PTBP3: variants seen among roughly 807,000 people sequenced by gnomAD.
PTBP3 encodes polypyrimidine tract binding protein 3.
In PTBP3, 20 loss-of-function variants were observed where a neutral mutation model predicts 58.7. That is an observed-to-expected ratio of 0.34 (90% CI 0.24 to 0.50). PTBP3 has a LOEUF of 0.50. Among genes scored for constraint, PTBP3 ranks in the 20% least tolerant of loss-of-function variants. The pLI is 0.98. For missense variants in PTBP3, 509 were observed against 637.2 expected, an observed-to-expected ratio of 0.80 and a Z score of 2.17; for synonymous variants, 185 against 219.8, an observed-to-expected ratio of 0.84 and a Z score of 1.40.
At chr9:112,241,486 G>A (rs1180170082) in intron 7 of PTBP3, among the ~76,000 whole-genome samples, 1 of 152,074 alleles carries the variant, frequency 6.6e-6, no homozygotes, top group African/African-American at 2.4e-5. Context: ...GCCCTATACA[G>A]GTGTACCATT....
chr9:112,336,398 C>A (rs924180327), upstream of PTBP3, among the ~76,000 whole-genome samples: 10 of 151,832 alleles, frequency 6.6e-5, no homozygotes, highest in African/African-American at 1.9e-4. Flanking sequence ...TTATATAAAG[C>A]CTTTATAGCC....
the PTBP3 span, among the ~76,000 whole-genome samples, chr9:112,361,648 A>C: frequency 6.6e-6 from 1 of 152,222 alleles, no homozygotes; most frequent in Non-Finnish European, 1.5e-5. Context: ...TAATAAATTA[A>C]CATTTTGTGG....
intron 3 of PTBP3, among the ~76,000 whole-genome samples, chr9:112,271,217 C>T (rs1186909844): frequency 6.6e-6 from 1 of 152,014 alleles, no homozygotes; most frequent in Admixed American, 6.6e-5. Context: ...TCTGAGTATC[C>T]CTTATCCAAA....
At position 112,262,322 on chromosome 9, in the gene PTBP3, T is replaced by C. The variant is rs1037359162; in HGVS notation, c.516+113A>G. The C allele has an allele frequency of 6.6e-6, 6 of 914,366 alleles. No individual in the cohort carries two copies. In the African/African-American group the frequency reaches 1.1e-4, roughly 16 times the overall value. 56.6% of individuals were successfully genotyped at this position (914,366 alleles called of 1,614,324 possible). ...AATTAGATGAAGTTTTTTTCATTATTTAAACAAATATATCAACAAAACCAA... is the reference window on the plus strand; with the variant it reads ...AATTAGATGAAGTTTTTTTCATTATCTAAACAAATATATCAACAAAACCAA... On this transcript the variant is annotated intron_variant, in intron 5 of 13. Coordinates refer to ENST00000374257, the MANE Select transcript of PTBP3 (RefSeq NM_001163788.4).
At chr9:112,287,943 T>G (rs1828216834) in intron 2 of PTBP3, among the ~76,000 whole-genome samples, 1 of 152,184 alleles carries the variant, frequency 6.6e-6, no homozygotes, top group Admixed American at 6.5e-5. Context: ...TCACATTTTT[T>G]TGGTTCTTAA....
chr9:112,339,150 G>A, the PTBP3 span, among the ~76,000 whole-genome samples: 2 of 151,964 alleles, frequency 1.3e-5, no homozygotes, highest in Non-Finnish European at 2.9e-5. Context: ...AATTAGCCAG[G>A]CGTGGTGGCT....
chr9:112,332,659 G>T, intron 1 of PTBP3: 1 of 1,166,030 alleles, frequency 8.6e-7, no homozygotes, highest in South Asian at 2.2e-5. Context: ...CCATATCCCT[G>T]AGTCCCCAGA....
chr9:112,336,226 GT>G (rs1003593210), upstream of PTBP3, among the ~76,000 whole-genome samples: 4 of 152,050 alleles, frequency 2.6e-5, no homozygotes, highest in Non-Finnish European at 5.9e-5. Flanking sequence ...AAATTACGTT[GT>G]TTCCAAGTAT....
the PTBP3 span, among the ~76,000 whole-genome samples, chr9:112,359,073 G>A: frequency 1.3e-5 from 2 of 152,260 alleles, no homozygotes; most frequent in East Asian, 3.9e-4. Flanking sequence ...AGGACTCAGG[G>A]AATCTCCCAT....
intron 2 of PTBP3, among the ~76,000 whole-genome samples, chr9:112,280,148 C>A (rs927468972): frequency 5.9e-5 from 9 of 152,148 alleles, no homozygotes; most frequent in African/African-American, 1.2e-4. Flanking sequence ...ACCCCCGCCT[C>A]CCAGGATCAA....
chr9:112,367,974 C>G, the PTBP3 span, among the ~76,000 whole-genome samples: 1 of 151,988 alleles, frequency 6.6e-6, no homozygotes, highest in African/African-American at 2.4e-5. Context: ...AGGCTTTCTT[C>G]AGTTTTTTTT....
At chr9:112,246,940 A>G (rs1263063742) in intron 7 of PTBP3, among the ~76,000 whole-genome samples, 3 of 152,200 alleles carry the variant, frequency 2.0e-5, no homozygotes, top group Non-Finnish European at 2.9e-5. Flanking sequence ...CTGCTCAAAA[A>G]TGTATACAAT....
intron 1 of PTBP3, among the ~76,000 whole-genome samples, chr9:112,328,141 C>T (rs1012660465): frequency 2.0e-5 from 3 of 152,156 alleles, no homozygotes; most frequent in African/African-American, 7.2e-5. Context: ...ACCTGAAATC[C>T]ACTCTTGCCA....
At chr9:112,249,173 T>C (rs1836003822) in intron 7 of PTBP3, among the ~76,000 whole-genome samples, 1 of 152,060 alleles carries the variant, frequency 6.6e-6, no homozygotes, top group African/African-American at 2.4e-5. Flanking sequence ...AGAATAATTA[T>C]CAAATTTGGG....
chr9:112,218,600 C>T lies in PTBP3; in HGVS notation c.*5251G>A, dbSNP rs565922477. On this transcript the variant is annotated 3_prime_UTR_variant, in exon 14 of 14. Coordinates refer to ENST00000374257, the MANE Select transcript of PTBP3 (RefSeq NM_001163788.4). ...AGAAGCTTGAATTAACCATGCACTA[C>T]GCATTTAGAAAATATGTTTTTTAAT... 5.9e-5 allele frequency: 9 copies of T among 152,736 alleles called. 1 individual carries two copies. In the South Asian group the frequency reaches 6.2e-4, roughly 11 times the overall value. 9.5% of individuals were successfully genotyped at this position (152,736 alleles called of 1,614,324 possible).
chr9:112,367,985 T>C, the PTBP3 span, among the ~76,000 whole-genome samples: 1 of 152,162 alleles, frequency 6.6e-6, no homozygotes, highest in South Asian at 2.1e-4. Flanking sequence ...AGTTTTTTTT[T>C]CTTTTTGTTC....
intron 6 of PTBP3, among the ~76,000 whole-genome samples, chr9:112,251,315 T>C (rs1389122894): frequency 6.6e-6 from 1 of 152,154 alleles, no homozygotes; most frequent in Non-Finnish European, 1.5e-5. Context: ...ATCTGTAAAA[T>C]AAGACTGATA....
At chr9:112,297,126 A>G (rs1828721960) in intron 2 of PTBP3, among the ~76,000 whole-genome samples, 1 of 152,196 alleles carries the variant, frequency 6.6e-6, no homozygotes. Flanking sequence ...GTGGTACCTT[A>G]TGGTACGTAA....
At chr9:112,260,356 G>C (rs747342253) in intron 5 of PTBP3, among the ~76,000 whole-genome samples, 1 of 152,208 alleles carries the variant, frequency 6.6e-6, no homozygotes, top group Non-Finnish European at 1.5e-5. Context: ...TAAGTTACTT[G>C]CCCAAGGCTA....
Sources: allele counts gnomAD v4.1 joint callset (sites outside exome capture counted in the v4.1 genomes callset), GRCh38; gene constraint gnomAD v4.1.1; transcripts MANE v1.5; gene names NCBI Gene and HGNC (gene_info 2026-07-23, HGNC 2026-07-21).